Variants in FARP1 observed in about 807,000 individuals in gnomAD.
FARP1 encodes FERM, ARH/RhoGEF and pleckstrin domain protein 1.
FARP1 carries 52 observed loss-of-function variants against 128.8 expected under a neutral mutation model. The observed-to-expected ratio is 0.40, with a 90% CI of 0.32 to 0.51. FARP1 has a LOEUF of 0.51. Ranked by LOEUF, FARP1 falls within the 20% of genes least tolerant of loss-of-function variation. The pLI is 0.45. For synonymous variants in FARP1, 580 were observed against 551.8 expected (o/e 1.05, Z -0.72); for missense variants, 1,333 against 1,367.9 (o/e 0.97, Z 0.40).
intron 2 of FARP1, among the ~76,000 whole-genome samples, chr13:98,228,962 T>C (rs1056793787): frequency 2.0e-5 from 3 of 152,258 alleles, no homozygotes; most frequent in African/African-American, 7.2e-5. Flanking sequence ...GAATTTGTTA[T>C]TCTTTTTAAC....
rs1329126301 is a variant in FARP1, at chr13:98,451,707, A to C, written c.*3390A>C. ...CCACAAGAACTGGCACACCCACGGGAGATGTCAATCATCAGCTTCAACAAA... is the reference window on the plus strand; with the variant it reads ...CCACAAGAACTGGCACACCCACGGGCGATGTCAATCATCAGCTTCAACAAA... On this transcript the variant is annotated 3_prime_UTR_variant, in exon 27 of 27. Transcript: ENST00000319562. The C allele has an allele frequency of 6.6e-6, 1 of 152,212 alleles. No individual in the cohort carries two copies. The highest frequency in any genetic ancestry group is 1.9e-4 in the East Asian group (1 of 5,202). The allele number at this position is 152,212 out of a possible 1,614,324, so 9.4% of individuals were successfully genotyped here. A position where few individuals can be genotyped will look rare whatever the true frequency, so the allele number is the denominator to read the frequency against.
rs753505119 is a variant in FARP1, at chr13:98,431,156, G to A, written c.2019G>A (p.Val673=). The change falls in exon 18 of 27, where the codon GTG becomes GTA. Residue 673 remains valine, a synonymous_variant. Coordinates refer to ENST00000319562, the MANE Select transcript of FARP1 (RefSeq NM_005766.4). The part of the protein sequence containing the change: ...NFCRDFELQK[V]CYLPLNTFLL... ...GCAGAGACTTTGAGCTGCAGAAGGT[G>A]TGTTACCTACCGCTCAACACCTTCC... 7.4e-6 allele frequency: 12 copies of A among 1,613,968 alleles called. No individual in the cohort carries two copies. The highest frequency in any genetic ancestry group is 2.2e-5 in the East Asian group (1 of 44,878).
chr13:98,430,461 G>C (rs1891967802), intron 17 of FARP1, among the ~76,000 whole-genome samples: 3 of 152,096 alleles, frequency 2.0e-5, no homozygotes, highest in African/African-American at 2.4e-5. Context: ...CTCCTTTAAT[G>C]CTCTGTCATC....
chr13:98,317,097 C>T (rs1886753233), intron 2 of FARP1, among the ~76,000 whole-genome samples: 1 of 152,196 alleles, frequency 6.6e-6, no homozygotes, highest in African/African-American at 2.4e-5. Context: ...CTTCTCTCTG[C>T]TTCCAGCTGC....
intron 6 of FARP1, among the ~76,000 whole-genome samples, chr13:98,379,786 GA>G (rs912452534): frequency 6.6e-6 from 1 of 151,884 alleles, no homozygotes; most frequent in Non-Finnish European, 1.5e-5. Flanking sequence ...ATAATGACAA[GA>G]AAAAATATCT....
chr13:98,166,496 T>C (rs1361181034), intron 1 of FARP1, among the ~76,000 whole-genome samples: 1 of 152,114 alleles, frequency 6.6e-6, no homozygotes, highest in East Asian at 1.9e-4. Context: ...GGAGAGGTAT[T>C]ATTATTATCA....
chr13:98,247,191 G>A (rs184324193), intron 2 of FARP1, among the ~76,000 whole-genome samples: 2 of 152,312 alleles, frequency 1.3e-5, no homozygotes, highest in East Asian at 3.9e-4. Context: ...GCAGTGAGCT[G>A]AGATCGCACC....
chr13:98,327,594 G>A (rs1442679057), intron 2 of FARP1, among the ~76,000 whole-genome samples: 1 of 152,152 alleles, frequency 6.6e-6, no homozygotes, highest in Non-Finnish European at 1.5e-5. Context: ...GTTAACTGGT[G>A]AGCCAGTTTA....
chr13:98,279,519 T>C (rs1340537515), intron 2 of FARP1, among the ~76,000 whole-genome samples: 1 of 152,246 alleles, frequency 6.6e-6, no homozygotes, highest in Non-Finnish European at 1.5e-5. Flanking sequence ...CAGTAGCCAC[T>C]GGAAATGTGG....
chr13:98,424,575 A>G lies in FARP1; in HGVS notation c.1830A>G (p.Glu610=). The G allele has an allele frequency of 1.9e-6, 3 of 1,611,098 alleles. No individual in the cohort carries two copies. Among genetic ancestry groups the G allele is most frequent in the Non-Finnish European group, 2.5e-6 (3 of 1,177,196 alleles). The change falls in exon 17 of 27, where the codon GAA becomes GAG. Residue 610 remains glutamate (E), a synonymous_variant. Coordinates refer to ENST00000319562, the MANE Select transcript of FARP1 (RefSeq NM_005766.4). The part of the protein sequence containing the change: ...KEIEQRLALW[E]GRSNAQIRDY... ...AACCCTTTGCTTTTGCTCTCAGGGA[A>G]GGCCGCTCAAATGCCCAAATCAGAG... is the stretch of plus-strand genomic sequence containing the variant.
rs1890064214 is a variant in FARP1, at chr13:98,385,556, GTTTGTGATGAAATGCC to G, written c.612-105_612-90del. 2.5e-6 allele frequency: 3 copies of G among 1,201,412 alleles called. No individual in the cohort carries two copies. In the South Asian group the frequency reaches 3.7e-5, roughly 15 times the overall value. The allele number at this position is 1,201,412 out of a possible 1,614,324, so 74.4% of individuals were successfully genotyped here. ...TGTCATCTGATCGGGTAGCCCCAGT[GTTTGTGATGAAATGCC>G]TTTGTATTTCCCAGGAGAAGCTTCT... On this transcript the variant is annotated intron_variant, in intron 7 of 26. Transcript: ENST00000319562.
intron 2 of FARP1, among the ~76,000 whole-genome samples, chr13:98,337,041 C>T (rs1018111593): frequency 6.6e-6 from 1 of 152,078 alleles, no homozygotes; most frequent in Non-Finnish European, 1.5e-5. Flanking sequence ...GATCTACCCC[C>T]AGCCCCAGCA....
chr13:98,426,212 G>C lies in FARP1; in HGVS notation c.1905+1562G>C, dbSNP rs565166129. On this transcript the variant is annotated intron_variant, in intron 17 of 26. Transcript: ENST00000319562. ...CATTAAAATGATGTATCTCAGCCGG[G>C]TGTGGTGGCTCATGCCTCTGATCCT... Among the ~76,000 whole-genome samples, 3 of 152,358 alleles carry C rather than the reference G, an allele frequency of 2.0e-5. No individual in the cohort carries two copies. In the South Asian group the frequency reaches 6.2e-4, roughly 32 times the overall value.
chr13:98,170,055 A>G (rs760028869), intron 1 of FARP1, among the ~76,000 whole-genome samples: 1 of 152,196 alleles, frequency 6.6e-6, no homozygotes, highest in African/African-American at 2.4e-5. Flanking sequence ...TCAATTATCC[A>G]TATTATCAAT....
chr13:98,248,783 A>C (rs1342464410), intron 2 of FARP1, among the ~76,000 whole-genome samples: 1 of 151,822 alleles, frequency 6.6e-6, no homozygotes, highest in Non-Finnish European at 1.5e-5. Context: ...TTGATGATCT[A>C]GTTAGTGCCG....
intron 1 of FARP1, among the ~76,000 whole-genome samples, chr13:98,196,501 G>T (rs1282815209): frequency 7.1e-6 from 1 of 141,676 alleles, no homozygotes; most frequent in African/African-American, 2.5e-5. Flanking sequence ...CATGGAGAAA[G>T]TGCTACATAA....
At chr13:98,439,416 G>T (rs1353038542) in intron 21 of FARP1, among the ~76,000 whole-genome samples, 1 of 152,182 alleles carries the variant, frequency 6.6e-6, no homozygotes, top group Non-Finnish European at 1.5e-5. Flanking sequence ...GGGGCTCTGG[G>T]GACACGGCTC....
intron 13 of FARP1, chr13:98,401,932 G>A (rs968340902): frequency 6.6e-6 from 1 of 152,012 alleles, no homozygotes; most frequent in African/African-American, 2.4e-5. Context: ...GCATCTTCTC[G>A]GCGCCCGGTG....
chr13:98,285,253 C>T (rs909547913), intron 2 of FARP1, among the ~76,000 whole-genome samples: 1 of 152,046 alleles, frequency 6.6e-6, no homozygotes, highest in Non-Finnish European at 1.5e-5. Context: ...AATATGGAAT[C>T]CCTCCCCACC....
Sources: gnomAD v4.1 joint callset for allele counts (sites outside exome capture counted in the v4.1 genomes callset) on GRCh38, gnomAD v4.1.1 for gene constraint, MANE v1.5 for transcripts, NCBI Gene and HGNC (gene_info 2026-07-23, HGNC 2026-07-21) for gene names.